TGFBR3: variants seen among roughly 807,000 people sequenced by gnomAD.
The protein encoded by TGFBR3 is transforming growth factor beta receptor type 3.
TGFBR3 carries 46 observed loss-of-function variants against 87.9 expected under a neutral mutation model. The observed-to-expected ratio is 0.52, with a 90% CI of 0.41 to 0.67. The LOEUF is 0.67. Ranked by LOEUF, TGFBR3 falls within the 30% of genes least tolerant of loss-of-function variation. The probability of loss-of-function intolerance (pLI) is 0.00; values close to 1 mark genes in which losing one functional copy is unlikely to be tolerated. For synonymous variants in TGFBR3, 381 were observed against 391.6 expected, an observed-to-expected ratio of 0.97 and a Z score of 0.32; for missense variants, 866 against 1,041.9, an observed-to-expected ratio of 0.83 and a Z score of 2.32.
chr1:91,735,112 G>C (rs1672917960), intron 4 of TGFBR3, among the ~76,000 whole-genome samples, 153 bp from the exon 5 acceptor site: 1 of 152,208 alleles, frequency 6.6e-6, no homozygotes. Flanking sequence ...CGGATTCAAG[G>C]AATAATCCCA....
chr1:91,783,860 T>A (rs1674862896), intron 3 of TGFBR3, among the ~76,000 whole-genome samples: 1 of 152,202 alleles, frequency 6.6e-6, no homozygotes, highest in South Asian at 2.1e-4. Context: ...AATGCCCTCT[T>A]TCAGTTAGAG....
At chr1:91,734,590 G>C (rs1461808648) in intron 5 of TGFBR3, among the ~76,000 whole-genome samples, 186 bp downstream of exon 5, 1 of 152,196 alleles carries the variant, frequency 6.6e-6, no homozygotes, top group Admixed American at 6.5e-5. Context: ...TGCTTCCCCA[G>C]GAGGAAAAAA....
intron 2 of TGFBR3, among the ~76,000 whole-genome samples, chr1:91,838,512 G>GCAGT (rs1253477395): frequency 8.8e-5 from 13 of 148,162 alleles, no homozygotes; most frequent in African/African-American, 3.3e-4. Context: ...AGGCTGGAGT[G>GCAGT]CAGTGGGGCA....
chr1:91,759,721 T>C (rs1012283766), intron 3 of TGFBR3, among the ~76,000 whole-genome samples: 3 of 152,102 alleles, frequency 2.0e-5, no homozygotes, highest in South Asian at 2.1e-4. Context: ...TCATCAAACA[T>C]AACCATAAAG....
chr1:91,820,455 G>A (rs547932348), intron 2 of TGFBR3, among the ~76,000 whole-genome samples: 10 of 152,198 alleles, frequency 6.6e-5, no homozygotes, highest in Middle Eastern at 3.4e-3. Flanking sequence ...AGGCCGAGGC[G>A]GGCGGATCAT....
intron 3 of TGFBR3, among the ~76,000 whole-genome samples, chr1:91,789,191 C>T (rs896677687): frequency 2.0e-5 from 3 of 152,170 alleles, no homozygotes; most frequent in Non-Finnish European, 4.4e-5. Context: ...CCTGTAGTCC[C>T]AGCTACTCAG....
rs376525870 is a variant in TGFBR3, at chr1:91,721,135, G to A, written c.1075+820C>T. ...GAAGCTGGAAGTGAAGATGATAGTT[G>A]GACATTATCTCTCCTTTAATAATAT... On this transcript the variant is annotated intron_variant, in intron 8 of 16. Coordinates refer to ENST00000212355, the MANE Select transcript of TGFBR3 (RefSeq NM_003243.5). Among the ~76,000 whole-genome samples, 16 of 152,224 alleles carry A rather than the reference G, an allele frequency of 1.1e-4. No individual in the cohort carries two copies. In the East Asian group the frequency reaches 2.9e-3, roughly 28 times the overall value.
chr1:91,804,909 T>G (rs1557720124), intron 2 of TGFBR3, among the ~76,000 whole-genome samples: 1 of 152,246 alleles, frequency 6.6e-6, no homozygotes, highest in East Asian at 1.9e-4. Flanking sequence ...ATGCTCCTTA[T>G]CAGCAGCACA....
chr1:91,741,382 G>A (rs971515336), intron 4 of TGFBR3, among the ~76,000 whole-genome samples: 7 of 152,148 alleles, frequency 4.6e-5, no homozygotes, highest in African/African-American at 1.2e-4. Flanking sequence ...CTCGGAGAGC[G>A]CCACTCCCCC....
At chr1:91,785,123 C>T (rs113191916) in intron 3 of TGFBR3, among the ~76,000 whole-genome samples, 17 of 152,308 alleles carry the variant, frequency 1.1e-4, no homozygotes, top group African/African-American at 4.1e-4. Context: ...GGTATAGCCA[C>T]ACAATGAAAA....
At chr1:91,837,873 T>C (rs1305860514) in intron 2 of TGFBR3, among the ~76,000 whole-genome samples, 2 of 151,992 alleles carry the variant, frequency 1.3e-5, no homozygotes, top group African/African-American at 4.8e-5. Flanking sequence ...GTCCCTGGAG[T>C]CCCTGCTTCA....
chr1:91,768,506 A>C (rs1383074278), intron 3 of TGFBR3, among the ~76,000 whole-genome samples: 1 of 152,136 alleles, frequency 6.6e-6, no homozygotes, highest in African/African-American at 2.4e-5. Context: ...TGTAATCCCC[A>C]ATGTTGGAGG....
At chr1:91,901,020 G>A (rs1679708229) in intron 1 of TGFBR3, among the ~76,000 whole-genome samples, 1 of 152,158 alleles carries the variant, frequency 6.6e-6, no homozygotes, top group Non-Finnish European at 1.5e-5. Context: ...ACCACTGAAT[G>A]TGGCTTCTCA....
Position 91,681,255 on chromosome 1 carries a change from T to C in TGFBR3, c.*2484A>G, listed in dbSNP as rs1354257980. 2.3e-6 allele frequency: 1 copy of C among 441,982 alleles called. No homozygotes were observed. Among genetic ancestry groups the C allele is most frequent in the Non-Finnish European group, 4.5e-6 (1 of 222,646 alleles). The allele number at this position is 441,982 out of a possible 1,614,324, so 27.4% of individuals were successfully genotyped here. On this transcript the variant is annotated 3_prime_UTR_variant, in exon 17 of 17. Transcript: ENST00000212355. ...GGGAGAAAATACCTTATTTTTTTCA[T>C]GTTCATTTTTTAGAAACATTTCAGA...
At chr1:91,901,145 C>T (rs1205546166) in intron 1 of TGFBR3, among the ~76,000 whole-genome samples, 2 of 152,230 alleles carry the variant, frequency 1.3e-5, no homozygotes, top group Non-Finnish European at 2.9e-5. Context: ...TCCATGTCCT[C>T]ATCCTCACCA....
chr1:91,818,048 T>C (rs1158179005), intron 2 of TGFBR3, among the ~76,000 whole-genome samples: 1 of 152,142 alleles, frequency 6.6e-6, no homozygotes, highest in East Asian at 1.9e-4. Flanking sequence ...AAAGGCTTGA[T>C]GGTTACTTAG....
intron 3 of TGFBR3, among the ~76,000 whole-genome samples, chr1:91,792,536 A>G (rs920191586): frequency 6.6e-6 from 1 of 152,240 alleles, no homozygotes; most frequent in Non-Finnish European, 1.5e-5. Context: ...GCAAGCAATT[A>G]GATAGGTCAG....
chr1:91,755,342 C>T (rs1673700993), intron 4 of TGFBR3, among the ~76,000 whole-genome samples: 1 of 152,072 alleles, frequency 6.6e-6, no homozygotes, highest in East Asian at 1.9e-4. Flanking sequence ...AGTGGCCCAG[C>T]TTGTGCAAGG....
intron 2 of TGFBR3, among the ~76,000 whole-genome samples, chr1:91,804,681 G>A (rs17515100): frequency 0.24 from 37,236 of 152,090 alleles, 5,650 homozygotes; most frequent in Middle Eastern, 0.35. Context: ...AGCCACGAAG[G>A]CTTGGAAACC....
Sources: gnomAD v4.1 joint callset for allele counts (sites outside exome capture counted in the v4.1 genomes callset) on GRCh38, gnomAD v4.1.1 for gene constraint, MANE v1.5 for transcripts, NCBI Gene and HGNC (gene_info 2026-07-23, HGNC 2026-07-21) for gene names.